The following SLC30A8 variants were observed in gnomAD, a reference collection of about 807,000 sequenced individuals.
SLC30A8 encodes the protein proton-coupled zinc antiporter SLC30A8.
SLC30A8 carries 27 observed loss-of-function variants against 36.9 expected under a neutral mutation model. That is an observed-to-expected ratio of 0.73 (90% CI 0.54 to 1.01). SLC30A8 has a LOEUF of 1.01. Ranked by LOEUF, SLC30A8 falls within the 50% of genes least tolerant of loss-of-function variation. The probability of loss-of-function intolerance (pLI) is 0.00; values close to 1 mark genes in which losing one functional copy is unlikely to be tolerated. For missense variants in SLC30A8, 439 were observed against 452.0 expected, an observed-to-expected ratio of 0.97 and a Z score of 0.26; for synonymous variants, 164 against 172.4, an observed-to-expected ratio of 0.95 and a Z score of 0.38.
chr8:116,978,528 A>C (rs1815136225), intron 1 of SLC30A8, among the ~76,000 whole-genome samples: 1 of 152,182 alleles, frequency 6.6e-6, no homozygotes, highest in Admixed American at 6.5e-5. Flanking sequence ...TGAGGATAAA[A>C]ATGCACGTTA....
chr8:117,112,207 G>A (rs1418744325), intron 2 of SLC30A8, among the ~76,000 whole-genome samples: 4 of 152,072 alleles, frequency 2.6e-5, no homozygotes, highest in Non-Finnish European at 5.9e-5. Flanking sequence ...CCTGAGATAG[G>A]TTCAACATGC....
chr8:117,163,836 A>T (rs1822918248), intron 6 of SLC30A8: 1 of 194,416 alleles, frequency 5.1e-6, no homozygotes, highest in Admixed American at 6.0e-5. Context: ...TAAGAAAAAA[A>T]ACTACATAAG....
At chr8:116,997,448 CAAGG>C (rs1815860071) in intron 1 of SLC30A8, among the ~76,000 whole-genome samples, 1 of 151,798 alleles carries the variant, frequency 6.6e-6, no homozygotes, top group African/African-American at 2.4e-5. Context: ...AGATTATTTA[CAAGG>C]AAGATGATAA....
chr8:117,168,391 T>C (rs1484194457), intron 6 of SLC30A8, among the ~76,000 whole-genome samples: 1 of 152,188 alleles, frequency 6.6e-6, no homozygotes, highest in Admixed American at 6.5e-5. Flanking sequence ...ATGCAATTAT[T>C]TAATTATGAA....
At chr8:117,129,809 A>G (rs1821056860) in intron 2 of SLC30A8, 2 of 152,034 alleles carry the variant, frequency 1.3e-5, no homozygotes, top group Admixed American at 6.6e-5. Context: ...TCCTAGGTAT[A>G]TAAGGCTTTT....
chr8:117,009,948 C>T (rs750763074), intron 1 of SLC30A8, among the ~76,000 whole-genome samples: 6 of 152,150 alleles, frequency 3.9e-5, no homozygotes, highest in East Asian at 1.9e-4. Flanking sequence ...GCAAAGCCAA[C>T]GCACTTGACT....
intron 1 of SLC30A8, among the ~76,000 whole-genome samples, chr8:116,965,436 C>T (rs1486746776): frequency 6.6e-6 from 1 of 152,166 alleles, no homozygotes; most frequent in African/African-American, 2.4e-5. Context: ...AAATATGTTC[C>T]TCCAAGTCAA....
chr8:117,030,917 G>A (rs1256498699), intron 1 of SLC30A8, among the ~76,000 whole-genome samples: 3 of 152,156 alleles, frequency 2.0e-5, no homozygotes, highest in Non-Finnish European at 2.9e-5. Context: ...CTGAGAACAC[G>A]TCTTGGAAAT....
chr8:117,108,170 A>G (rs572705467), intron 2 of SLC30A8, among the ~76,000 whole-genome samples: 1 of 152,202 alleles, frequency 6.6e-6, no homozygotes, highest in Non-Finnish European at 1.5e-5. Context: ...CAAGATAAAT[A>G]CAATATCAGA....
chr8:117,093,459 C>T (rs1315985245), intron 2 of SLC30A8, among the ~76,000 whole-genome samples: 1 of 151,890 alleles, frequency 6.6e-6, no homozygotes, highest in African/African-American at 2.4e-5. Flanking sequence ...CATTGCCCCT[C>T]AGTGGTCCTG....
chr8:117,062,683 A>G (rs546043531), intron 2 of SLC30A8, among the ~76,000 whole-genome samples: 76 of 152,334 alleles, frequency 5.0e-4, no homozygotes, highest in African/African-American at 1.8e-3. Context: ...AAGTGTGGCC[A>G]TAGGGCTGGG....
At chr8:117,127,968 T>G (rs1388190705) in intron 2 of SLC30A8, among the ~76,000 whole-genome samples, 1 of 152,092 alleles carries the variant, frequency 6.6e-6, no homozygotes, top group Non-Finnish European at 1.5e-5. Flanking sequence ...TCTTATATTA[T>G]AAATTCTCAG....
chr8:117,087,378 T>C (rs1338223494), intron 2 of SLC30A8, among the ~76,000 whole-genome samples: 1 of 152,182 alleles, frequency 6.6e-6, no homozygotes, highest in Non-Finnish European at 1.5e-5. Flanking sequence ...GGAAAGCACA[T>C]TTAATCTGTC....
chr8:117,085,574 A>G (rs1364227015), intron 2 of SLC30A8, among the ~76,000 whole-genome samples: 1 of 152,198 alleles, frequency 6.6e-6, no homozygotes, highest in East Asian at 1.9e-4. Flanking sequence ...AGGGAAAAAT[A>G]TGAGACCCCT....
At chr8:116,988,931 A>C (rs1266824558) in intron 1 of SLC30A8, among the ~76,000 whole-genome samples, 5 of 152,188 alleles carry the variant, frequency 3.3e-5, no homozygotes, top group Non-Finnish European at 7.3e-5. Context: ...CTTGTGGAAA[A>C]GTCTCCTCTT....
chr8:117,145,125 A>C (rs1307029086), intron 1 of SLC30A8, among the ~76,000 whole-genome samples: 2 of 152,198 alleles, frequency 1.3e-5, no homozygotes, highest in African/African-American at 4.8e-5. Flanking sequence ...GACCTCGTCA[A>C]AAAGTATCTG....
intron 1 of SLC30A8, among the ~76,000 whole-genome samples, chr8:116,957,328 G>A (rs1321703220): frequency 2.6e-5 from 4 of 151,886 alleles, no homozygotes; most frequent in Non-Finnish European, 4.4e-5. Flanking sequence ...CCAGGCTGGA[G>A]TGCAGTGGCG....
intron 2 of SLC30A8, among the ~76,000 whole-genome samples, chr8:117,119,802 T>C (rs995139730): frequency 6.8e-4 from 103 of 151,920 alleles, no homozygotes; most frequent in African/African-American, 2.5e-3. Context: ...AAAATCAACA[T>C]ATAAAAATCA....
At chr8:117,162,671 C>CAAAG (rs1822851980) in intron 5 of SLC30A8, among the ~76,000 whole-genome samples, 1 of 152,168 alleles carries the variant, frequency 6.6e-6, no homozygotes, top group Non-Finnish European at 1.5e-5. Context: ...AGAAAAATTA[C>CAAAG]AAAGACATAT....
Sources: gnomAD v4.1 joint callset for allele counts (sites outside exome capture counted in the v4.1 genomes callset) on GRCh38, gnomAD v4.1.1 for gene constraint, MANE v1.5 for transcripts, NCBI Gene and HGNC (gene_info 2026-07-23, HGNC 2026-07-21) for gene names.